IL17D: variants seen among roughly 807,000 people sequenced by gnomAD.
IL17D encodes the protein interleukin 17D.
IL17D carries 10 observed loss-of-function variants against 5.7 expected under a neutral mutation model. The ratio of observed to expected loss-of-function variants is 1.75; its 90% CI spans 1.08 to 2.97. The LOEUF (loss-of-function observed/expected upper bound fraction) is 2.97, where lower values mean the gene tolerates loss of function less well. IL17D is among the 30% of genes most tolerant of loss of function. The pLI is 0.00. For synonymous variants in IL17D, 172 were observed against 141.7 expected, an observed-to-expected ratio of 1.21 and a Z score of -1.52; for missense variants, 354 against 292.7, an observed-to-expected ratio of 1.21 and a Z score of -1.53.
intron 1 of IL17D, among the ~76,000 whole-genome samples, chr13:20,715,775 A>G (rs2058674483): frequency 6.6e-6 from 1 of 151,804 alleles, no homozygotes; most frequent in African/African-American, 2.4e-5. Flanking sequence ...ACAGAGTTAC[A>G]CTCTGTCACC....
chr13:20,722,163 G>A lies in IL17D; in HGVS notation c.*209G>A. On this transcript the variant is annotated 3_prime_UTR_variant, in exon 2 of 2. Coordinates refer to ENST00000682841, the MANE Select transcript of IL17D (RefSeq NM_001385224.1). ...TTGCTTTTAGCTACAAGCAAGCAGC[G>A]TGGCTGGAAGCTGATGGGAAACGAC... 1.9e-6 allele frequency: 1 copy of A among 530,110 alleles called. No homozygotes were observed. Among genetic ancestry groups the A allele is most frequent in the East Asian group, 3.3e-5 (1 of 30,602 alleles). 32.8% of individuals were successfully genotyped at this position (530,110 alleles called of 1,614,324 possible).
chr13:20,703,184 G>A, upstream of IL17D: 6 of 718,260 alleles, frequency 8.4e-6, no homozygotes, highest in Non-Finnish European at 1.0e-5. Flanking sequence ...CAGGCCCTGG[G>A]CGCCCCGCCG....
chr13:20,708,224 C>T (rs1166884943), intron 1 of IL17D, among the ~76,000 whole-genome samples: 1 of 152,200 alleles, frequency 6.6e-6, no homozygotes, highest in African/African-American at 2.4e-5. Flanking sequence ...GCACAGCAGT[C>T]AGAGAGAATG....
At position 20,722,890 on chromosome 13, in the gene IL17D, G is replaced by C. The variant is rs907876687; in HGVS notation, c.*936G>C. On this transcript the variant is annotated 3_prime_UTR_variant, in exon 2 of 2. Transcript: ENST00000682841. The stretch of plus-strand genomic sequence containing the variant: ...AATCCAAGCAGGTATTGGCTTAGTT[G>C]TAAGGGCTTTAGGATCAGGCTGAAT... The C allele has an allele frequency of 1.3e-5, 2 of 152,166 alleles. No individual in the cohort carries two copies. The highest frequency in any genetic ancestry group is 6.5e-5 in the Admixed American group (1 of 15,276). 9.4% of individuals were successfully genotyped at this position (152,166 alleles called of 1,614,324 possible). A position where few individuals can be genotyped will look rare whatever the true frequency, so the allele number is the denominator to read the frequency against.
rs1224212181 is a variant in IL17D, at chr13:20,716,877, G to T, written c.291-4759G>T. On this transcript the variant is annotated intron_variant, in intron 1 of 1. Transcript: ENST00000682841. This position sits in a 1 kb window ranked among gnomAD's most constrained non-coding sequence, Gnocchi z 4.2. ...CTGCTCTGAAATCATTTCATGTTTTGCAAGGTGGGAGGGTGAGCCACATCA... is the reference window on the plus strand; with the variant it reads ...CTGCTCTGAAATCATTTCATGTTTTTCAAGGTGGGAGGGTGAGCCACATCA... Among the ~76,000 whole-genome samples, 1 of 152,160 alleles carries T rather than the reference G, an allele frequency of 6.6e-6. No individual in the cohort carries two copies. The highest frequency in any genetic ancestry group is 1.9e-4 in the East Asian group (1 of 5,192).
chr13:20,711,747 T>C (rs556343605), intron 1 of IL17D, among the ~76,000 whole-genome samples: 62 of 152,250 alleles, frequency 4.1e-4, no homozygotes, highest in African/African-American at 1.5e-3. Flanking sequence ...GCAGATGACA[T>C]TGGGGAAGAG....
rs557154464 is a variant in IL17D at position 20,722,211 on chromosome 13, G to A, written c.*257G>A. 2.1e-6 allele frequency: 1 copy of A among 484,392 alleles called. No homozygotes were observed. Among genetic ancestry groups the A allele is most frequent in the Admixed American group, 3.9e-5 (1 of 25,700 alleles). 30.0% of individuals were successfully genotyped at this position (484,392 alleles called of 1,614,324 possible). A position where few individuals can be genotyped will look rare whatever the true frequency, so the allele number is the denominator to read the frequency against. On this transcript the variant is annotated 3_prime_UTR_variant, in exon 2 of 2. Coordinates refer to ENST00000682841, the MANE Select transcript of IL17D (RefSeq NM_001385224.1). ...GACCCGGCACGGGCATCCTGTGTGC[G>A]GCCCGCATGGAGGGTTTGGAAAAGT...
intron 1 of IL17D, 46 bp downstream of exon 1, chr13:20,704,337 C>A (rs2058573196): frequency 5.0e-6 from 4 of 794,756 alleles, no homozygotes; most frequent in Non-Finnish European, 6.1e-6. Flanking sequence ...GTGGGGAGGG[C>A]AGGGCTGGGC....
intron 1 of IL17D, among the ~76,000 whole-genome samples, chr13:20,719,027 CAG>C (rs1388191216): frequency 2.9e-5 from 4 of 135,702 alleles, no homozygotes; most frequent in Non-Finnish European, 6.0e-5. Context: ...CATGCCCACA[CAG>C]ACACCCGTGC....
intron 1 of IL17D, among the ~76,000 whole-genome samples, chr13:20,720,219 C>T (rs2141399892): frequency 6.6e-6 from 1 of 152,300 alleles, no homozygotes; most frequent in Non-Finnish European, 1.5e-5. Context: ...TTTGTTCTCC[C>T]TCCATGTGCC....
Position 20,716,139 on chromosome 13 carries a change from G to A in IL17D, c.291-5497G>A, listed in dbSNP as rs1454929258. The A allele has an allele frequency of 1.0e-6, 1 of 983,332 alleles. No individual in the cohort carries two copies. Among genetic ancestry groups the A allele is most frequent in the Non-Finnish European group, 1.2e-6 (1 of 828,184 alleles). The allele number at this position is 983,332 out of a possible 1,614,324, so 60.9% of individuals were successfully genotyped here. Reference sequence around the variant, plus strand: ...TGCCGCCTTCTTATCTCTTGCAAAGGTTAGTGTTTTTCACAGGACTCTCAG... The same window carrying A: ...TGCCGCCTTCTTATCTCTTGCAAAGATTAGTGTTTTTCACAGGACTCTCAG... On this transcript the variant is annotated intron_variant, in intron 1 of 1. Transcript: ENST00000682841. The surrounding 1 kb of genome is among the most constrained non-coding windows in gnomAD (Gnocchi z 4.2).
chr13:20,716,032 G>C lies in IL17D; in HGVS notation c.291-5604G>C. 1 of 966,136 alleles carries C rather than the reference G, an allele frequency of 1.0e-6. No individual in the cohort carries two copies. Among genetic ancestry groups the C allele is most frequent in the Non-Finnish European group, 1.2e-6 (1 of 812,380 alleles). The allele number at this position is 966,136 out of a possible 1,614,324, so 59.8% of individuals were successfully genotyped here. ...TTACAGGCATGAGCCACCGCGCCCG[G>C]CCAGAATCGACACTTTTAACAGGAG... On this transcript the variant is annotated intron_variant, in intron 1 of 1. Transcript: ENST00000682841. The surrounding 1 kb of genome is among the most constrained non-coding windows in gnomAD (Gnocchi z 4.2).
At chr13:20,706,964 G>A (rs2058595734) in intron 1 of IL17D, among the ~76,000 whole-genome samples, 1 of 152,178 alleles carries the variant, frequency 6.6e-6, no homozygotes, top group South Asian at 2.1e-4. Flanking sequence ...TAGCAACAGT[G>A]ATGAGATCAC....
chr13:20,714,374 T>C (rs1171140589), intron 1 of IL17D, among the ~76,000 whole-genome samples: 1 of 152,204 alleles, frequency 6.6e-6, no homozygotes, highest in Non-Finnish European at 1.5e-5. Context: ...GCACACCGCA[T>C]CTGTTATTAC....
chr13:20,705,741 G>A (rs370221456), intron 1 of IL17D, among the ~76,000 whole-genome samples: 8 of 152,158 alleles, frequency 5.3e-5, no homozygotes, highest in African/African-American at 1.7e-4. Flanking sequence ...ACTTGAGATG[G>A]AGGAAGCCAT....
intron 1 of IL17D, among the ~76,000 whole-genome samples, chr13:20,704,799 T>A (rs1019656124): frequency 6.6e-6 from 1 of 151,630 alleles, no homozygotes; most frequent in Non-Finnish European, 1.5e-5. Flanking sequence ...GAGGTGCTGC[T>A]GGGGGGTGCG....
intron 1 of IL17D, among the ~76,000 whole-genome samples, chr13:20,710,911 G>A (rs1374019469): frequency 6.6e-6 from 1 of 152,180 alleles, no homozygotes; most frequent in Non-Finnish European, 1.5e-5. Flanking sequence ...AAAAGGACAA[G>A]GAGTGTCCTA....
At chr13:20,714,617 T>C (rs1051798996) in intron 1 of IL17D, among the ~76,000 whole-genome samples, 1 of 152,164 alleles carries the variant, frequency 6.6e-6, no homozygotes. Context: ...AAGTTCAGGA[T>C]TGCACCAAAG....
intron 1 of IL17D, 135 bp from the exon 2 acceptor site, chr13:20,721,501 G>A (rs1173457559): frequency 3.3e-5 from 22 of 658,746 alleles, no homozygotes; most frequent in East Asian, 2.6e-4. Context: ...TCGGCGGGGG[G>A]CCTCGCACGC....
Sources: gnomAD v4.1 joint callset for allele counts (sites outside exome capture counted in the v4.1 genomes callset) on GRCh38, gnomAD v4.1.1 for gene constraint, Gnocchi (gnomAD v3.1) non-coding constraint, MANE v1.5 for transcripts, NCBI Gene and HGNC (gene_info 2026-07-23, HGNC 2026-07-21) for gene names.